GPC5: variants seen among roughly 807,000 people sequenced by gnomAD.
GPC5 encodes the protein glypican-5.
GPC5 carries 47 observed loss-of-function variants against 53.9 expected under a neutral mutation model. The observed-to-expected ratio is 0.87, with a 90% CI of 0.69 to 1.11. The LOEUF is 1.11. GPC5 is among the 50% of genes most tolerant of loss of function. The pLI is 0.00. For synonymous variants in GPC5, 286 were observed against 263.3 expected (o/e 1.09, Z -0.84); for missense variants, 748 against 713.1 (o/e 1.05, Z -0.56).
At chr13:91,442,538 A>G (rs1463925711) in intron 1 of GPC5, among the ~76,000 whole-genome samples, 1 of 152,174 alleles carries the variant, frequency 6.6e-6, no homozygotes, top group African/African-American at 2.4e-5. Flanking sequence ...GTCTCCCTCC[A>G]TCTCTTTCTT....
At chr13:92,527,169 A>G (rs1594277965) in intron 7 of GPC5, among the ~76,000 whole-genome samples, 1 of 127,248 alleles carries the variant, frequency 7.9e-6, no homozygotes, top group Admixed American at 8.3e-5. Context: ...AGAAAGAAAG[A>G]AAGAGAAAGA....
intron 6 of GPC5, among the ~76,000 whole-genome samples, chr13:91,942,227 A>T (rs1402297062): frequency 1.3e-5 from 2 of 152,080 alleles, no homozygotes; most frequent in African/African-American, 4.8e-5. Context: ...TACCTGACTA[A>T]AAAAGGTACC....
At chr13:92,296,189 CTG>C (rs2043033065) in intron 7 of GPC5, among the ~76,000 whole-genome samples, 1 of 152,108 alleles carries the variant, frequency 6.6e-6, no homozygotes. Context: ...GAAATGAACT[CTG>C]TGAGGATTCT....
rs1208827408 is a variant in GPC5, at chr13:92,866,424, T to TC, written c.1707dup (p.Gly570ArgfsTer15). Reference sequence around the variant, plus strand: ...CTCTGATAAGTGTGGTGATGTTACTTCCCGGGATTTGGTAACTGAACTCTT... The same window carrying TC: ...CTCTGATAAGTGTGGTGATGTTACTTCCCCGGGATTTGGTAACTGAACTCTT... On this transcript the variant is annotated frameshift_variant, in exon 8 of 8. Coordinates refer to ENST00000377067, the MANE Select transcript of GPC5 (RefSeq NM_004466.6). LOFTEE classifies it high-confidence loss of function. 1 of 1,604,314 alleles carries TC rather than the reference T, an allele frequency of 6.2e-7. No individual in the cohort carries two copies.
chr13:91,790,500 G>A (rs1002207695), intron 5 of GPC5, among the ~76,000 whole-genome samples: 6 of 152,092 alleles, frequency 3.9e-5, no homozygotes, highest in Non-Finnish European at 8.8e-5. Flanking sequence ...TGAAGATATG[G>A]CTTTGAACAA....
At chr13:91,613,667 G>A (rs1489641722) in intron 2 of GPC5, among the ~76,000 whole-genome samples, 1 of 152,128 alleles carries the variant, frequency 6.6e-6, no homozygotes, top group Non-Finnish European at 1.5e-5. Context: ...AGAAGAAGTG[G>A]TTAGGAAAAT....
intron 7 of GPC5, among the ~76,000 whole-genome samples, chr13:92,426,541 T>C (rs1474038931): frequency 6.6e-6 from 1 of 152,126 alleles, no homozygotes; most frequent in East Asian, 1.9e-4. Context: ...ATAAGACTTA[T>C]GATGCAAAAT....
intron 7 of GPC5, among the ~76,000 whole-genome samples, chr13:92,185,070 A>G (rs2042174505): frequency 6.6e-6 from 1 of 152,206 alleles, no homozygotes; most frequent in Non-Finnish European, 1.5e-5. Context: ...GAATGAGCCC[A>G]TAGGTTTGTA....
intron 2 of GPC5, among the ~76,000 whole-genome samples, chr13:91,571,828 T>TACGTGTGTGTGTGTATAC (rs1566515542): frequency 2.2e-4 from 14 of 64,852 alleles, no homozygotes; most frequent in African/African-American, 5.0e-4. Flanking sequence ...TGTGTATATA[T>TACGTGTGTGTGTGTATAC]ACACATATAC....
chr13:91,588,291 G>T (rs1347516016), intron 2 of GPC5, among the ~76,000 whole-genome samples: 6 of 152,080 alleles, frequency 3.9e-5, no homozygotes, highest in African/African-American at 1.4e-4. Flanking sequence ...TTCCCACTTT[G>T]CAGTCATATG....
chr13:92,358,593 A>G (rs1330850545), intron 7 of GPC5, among the ~76,000 whole-genome samples: 1 of 151,804 alleles, frequency 6.6e-6, no homozygotes, highest in Non-Finnish European at 1.5e-5. Context: ...AGGCATTTCC[A>G]TACATCCTCT....
At chr13:92,602,444 T>A (rs971681236) in intron 7 of GPC5, among the ~76,000 whole-genome samples, 2 of 151,648 alleles carry the variant, frequency 1.3e-5, no homozygotes, top group African/African-American at 4.8e-5. Context: ...AGTTACAGGG[T>A]AGTTGTGAAC....
At position 92,772,154 on chromosome 13, in the gene GPC5, G is replaced by A. The variant is rs547288937; in HGVS notation, c.1562-94128G>A. ...TCTCGGTCACTATTATGTCTCACCT[G>A]GGCCCCTGAAATAGCCTCCCACTTC... On this transcript the variant is annotated intron_variant, in intron 7 of 7. Transcript: ENST00000377067. 1.2e-4 allele frequency among the ~76,000 whole-genome samples: 18 copies of A among 152,090 alleles called. No homozygotes were observed. In the South Asian group the frequency reaches 1.7e-3, roughly 14 times the overall value.
At chr13:92,058,791 T>C (rs2041097469) in intron 6 of GPC5, among the ~76,000 whole-genome samples, 2 of 152,008 alleles carry the variant, frequency 1.3e-5, no homozygotes, top group Non-Finnish European at 2.9e-5. Context: ...TGATCCACCC[T>C]CCTCAGCCTC....
At chr13:91,988,697 G>A (rs971323027) in intron 6 of GPC5, among the ~76,000 whole-genome samples, 1 of 152,116 alleles carries the variant, frequency 6.6e-6, no homozygotes, top group African/African-American at 2.4e-5. Flanking sequence ...TTGTATTATG[G>A]GGAAATAAAC....
Position 92,154,722 on chromosome 13 carries a change from G to A in GPC5, c.1561+9733G>A, listed in dbSNP as rs73620846. On this transcript the variant is annotated intron_variant, in intron 7 of 7. Transcript: ENST00000377067. ...CATCTGGTATACTTAGATGTACTAA[G>A]CTCAGCTTATCCATTGTCACAAACC... Among the ~76,000 whole-genome samples, 1,104 of 152,216 alleles carry A rather than the reference G, an allele frequency of 7.3e-3. 25 individuals are homozygous for A. The highest frequency in any genetic ancestry group is 0.025 in the African/African-American group (1,039 of 41,546).
At chr13:92,049,861 T>C (rs1414884296) in intron 6 of GPC5, among the ~76,000 whole-genome samples, 1 of 152,110 alleles carries the variant, frequency 6.6e-6, no homozygotes, top group Non-Finnish European at 1.5e-5. Flanking sequence ...AAATGAGATT[T>C]TTTTTAGCCA....
intron 7 of GPC5, among the ~76,000 whole-genome samples, chr13:92,475,473 G>A (rs1309716878): frequency 2.0e-5 from 3 of 148,554 alleles, no homozygotes; most frequent in Middle Eastern, 3.4e-3. Flanking sequence ...AATTGTGAAT[G>A]GGAGTTCACT....
chr13:92,753,025 C>T (rs1472689690), intron 7 of GPC5, among the ~76,000 whole-genome samples: 1 of 152,220 alleles, frequency 6.6e-6, no homozygotes, highest in Non-Finnish European at 1.5e-5. Context: ...GTAGGCTCCA[C>T]CTCTGGGGGC....
Sources: allele counts gnomAD v4.1 joint callset (sites outside exome capture counted in the v4.1 genomes callset), GRCh38; gene constraint gnomAD v4.1.1; transcripts MANE v1.5; gene names NCBI Gene and HGNC (gene_info 2026-07-23, HGNC 2026-07-21).